RBFOX1: variants seen among roughly 807,000 people sequenced by gnomAD.
RBFOX1 encodes RNA binding fox-1 homolog 1, also known as RNA binding protein fox-1 homolog 1.
A neutral mutation model predicts 57.7 loss-of-function variants in RBFOX1; 8 were observed. The ratio of observed to expected loss-of-function variants is 0.14; its 90% confidence interval spans 0.08 to 0.25. The LOEUF (loss-of-function observed/expected upper bound fraction) is 0.25. Ranked by LOEUF, RBFOX1 falls within the 10% of genes least tolerant of loss-of-function variation. RBFOX1 has a pLI of 1.00. For synonymous variants in RBFOX1, 326 were observed against 222.4 expected, an observed-to-expected ratio of 1.47 and a Z score of -4.15; for missense variants, 611 against 548.5, an observed-to-expected ratio of 1.11 and a Z score of -1.14.
chr16:6,532,059 A>G (rs1160979565), intron 2 of RBFOX1, among the ~76,000 whole-genome samples: 1 of 152,192 alleles, frequency 6.6e-6, no homozygotes, highest in African/African-American at 2.4e-5. Flanking sequence ...TCTTCCGTCC[A>G]TGTATCATTC....
intron 3 of RBFOX1, among the ~76,000 whole-genome samples, chr16:6,714,311 C>T (rs1011250979): frequency 5.3e-5 from 8 of 152,046 alleles, no homozygotes; most frequent in African/African-American, 7.2e-5. Flanking sequence ...ATTGTGAAAT[C>T]GGACCAAAAC....
At chr16:7,380,944 C>A (rs979987486) in intron 4 of RBFOX1, among the ~76,000 whole-genome samples, 8 of 152,136 alleles carry the variant, frequency 5.3e-5, no homozygotes, top group African/African-American at 1.7e-4. Context: ...AGAGAAAGAA[C>A]AGTATTTTGA....
At chr16:6,188,597 C>G (rs2097122510) in intron 1 of RBFOX1, among the ~76,000 whole-genome samples, 1 of 152,088 alleles carries the variant, frequency 6.6e-6, no homozygotes, top group Non-Finnish European at 1.5e-5. Flanking sequence ...CTTACATTTT[C>G]TGCTAACTCC....
intron 9 of RBFOX1, among the ~76,000 whole-genome samples, chr16:7,597,785 C>T (rs571563448): frequency 6.6e-6 from 1 of 152,306 alleles, no homozygotes; most frequent in Non-Finnish European, 1.5e-5. Context: ...ACCATCTGCT[C>T]GTTGATTACT....
rs9929229 is a variant in RBFOX1, at chr16:6,180,978, C to G, written c.-126-136017C>G. 4.8e-3 allele frequency among the ~76,000 whole-genome samples: 736 copies of G among 152,250 alleles called. 5 individuals carry two copies. Among genetic ancestry groups the G allele is most frequent in the African/African-American group, 0.016 (667 of 41,566 alleles). On this transcript the variant is annotated intron_variant, in intron 1 of 15. Coordinates refer to ENST00000550418, the MANE Select transcript of RBFOX1 (RefSeq NM_018723.4). ...AGACACCTTGAGCACTAAGAAGTCT[C>G]CTGTCCTCTACTGATGGGTTTGTGT...
intron 3 of RBFOX1, among the ~76,000 whole-genome samples, chr16:6,755,813 C>T (rs113761615): frequency 3.7e-4 from 57 of 152,140 alleles, no homozygotes; most frequent in African/African-American, 1.1e-3. Flanking sequence ...CTATTTGGAG[C>T]GATTATACTT....
At chr16:6,372,574 G>A (rs1484683343) in intron 2 of RBFOX1, among the ~76,000 whole-genome samples, 1 of 152,018 alleles carries the variant, frequency 6.6e-6, no homozygotes, top group Non-Finnish European at 1.5e-5. Context: ...GAGATTGGGT[G>A]GAAGAGTAGA....
At chr16:6,486,650 A>C (rs927157614) in intron 2 of RBFOX1, among the ~76,000 whole-genome samples, 1 of 134,304 alleles carries the variant, frequency 7.4e-6, no homozygotes, top group Non-Finnish European at 1.7e-5. Flanking sequence ...TTGAACCCTT[A>C]ATTTTATTAT....
At chr16:5,664,979 C>A (rs1315925092) in intron 3 of RBFOX1, among the ~76,000 whole-genome samples, 4 of 151,094 alleles carry the variant, frequency 2.6e-5, no homozygotes, top group Non-Finnish European at 5.9e-5. Context: ...GGGTCTTGTT[C>A]TGCCATTCAG....
intron 9 of RBFOX1, among the ~76,000 whole-genome samples, chr16:7,597,945 G>T (rs2094794075): frequency 6.6e-6 from 1 of 152,054 alleles, no homozygotes; most frequent in African/African-American, 2.4e-5. Flanking sequence ...TTCTTCTCTG[G>T]GCTGCTCAGT....
chr16:7,381,010 T>G (rs1473469691), intron 4 of RBFOX1, among the ~76,000 whole-genome samples: 1 of 152,246 alleles, frequency 6.6e-6, no homozygotes, highest in East Asian at 1.9e-4. Flanking sequence ...CTGTCTTGCA[T>G]GAAACACTTT....
At chr16:6,845,358 A>G (rs1238252034) in intron 3 of RBFOX1, among the ~76,000 whole-genome samples, 2 of 150,072 alleles carry the variant, frequency 1.3e-5, no homozygotes, top group East Asian at 1.9e-4. Context: ...ATTTTTGTGT[A>G]TTGTGTAAGG....
intron 1 of RBFOX1, among the ~76,000 whole-genome samples, chr16:5,321,604 A>T (rs941116344): frequency 1.6e-4 from 24 of 152,140 alleles, no homozygotes; most frequent in African/African-American, 5.8e-4. Flanking sequence ...GGCGTGAGCC[A>T]CAGCGCCTGG....
At chr16:6,853,427 C>T (rs374937859) in intron 3 of RBFOX1, among the ~76,000 whole-genome samples, 2 of 152,116 alleles carry the variant, frequency 1.3e-5, no homozygotes, top group East Asian at 1.9e-4. Context: ...CTGCCCCCAG[C>T]CATTGGGCTT....
chr16:6,563,685 A>G (rs1400133069), intron 2 of RBFOX1, among the ~76,000 whole-genome samples: 1 of 152,126 alleles, frequency 6.6e-6, no homozygotes, highest in East Asian at 1.9e-4. Flanking sequence ...CTCTACAAAA[A>G]TACAAAAAAA....
intron 3 of RBFOX1, among the ~76,000 whole-genome samples, chr16:6,837,061 G>A (rs1338673363): frequency 2.6e-5 from 4 of 152,186 alleles, no homozygotes; most frequent in African/African-American, 9.7e-5. Context: ...GGGTAAGGAT[G>A]AGTTGGAAAT....
At chr16:7,202,120 C>G (rs950192313) in intron 4 of RBFOX1, among the ~76,000 whole-genome samples, 8 of 151,400 alleles carry the variant, frequency 5.3e-5, no homozygotes, top group African/African-American at 2.0e-4. Flanking sequence ...ACAACCACAG[C>G]AATATAAACA....
At chr16:6,369,584 G>T (rs1479301272) in intron 2 of RBFOX1, among the ~76,000 whole-genome samples, 1 of 152,194 alleles carries the variant, frequency 6.6e-6, no homozygotes, top group Non-Finnish European at 1.5e-5. Flanking sequence ...CTCGAGGGCT[G>T]GTAGGAAAAA....
chr16:6,252,469 C>G (rs2097624090), intron 1 of RBFOX1, among the ~76,000 whole-genome samples: 1 of 152,106 alleles, frequency 6.6e-6, no homozygotes, highest in African/African-American at 2.4e-5. Context: ...ATGACTATCA[C>G]TGAAAAGTAA....
Sources: allele counts gnomAD v4.1 joint callset (sites outside exome capture counted in the v4.1 genomes callset), GRCh38; gene constraint gnomAD v4.1.1; transcripts MANE v1.5; gene names NCBI Gene and HGNC (gene_info 2026-07-23, HGNC 2026-07-21).